The following LRP1B variants were observed in gnomAD, a reference collection of about 807,000 sequenced individuals.
The protein encoded by LRP1B is LDL receptor related protein 1B.
LRP1B carries 217 observed loss-of-function variants against 556.6 expected under a neutral mutation model. The ratio of observed to expected loss-of-function variants is 0.39; its 90% CI spans 0.35 to 0.44. The LOEUF is 0.44. Ranked by LOEUF, LRP1B falls within the 20% of genes least tolerant of loss-of-function variation. LRP1B has a pLI of 1.00. For missense variants in LRP1B, 5,053 were observed against 5,620.8 expected (o/e 0.90, Z 3.23); for synonymous variants, 2,047 against 1,865.8 (o/e 1.10, Z -2.50).
At chr2:140,327,269 C>A (rs1412836927) in intron 79 of LRP1B, among the ~76,000 whole-genome samples, 1 of 152,068 alleles carries the variant, frequency 6.6e-6, no homozygotes, top group Non-Finnish European at 1.5e-5. Flanking sequence ...TGGAAATAAT[C>A]CACATTGGAA....
chr2:141,431,020 T>G (rs557913102), intron 3 of LRP1B, among the ~76,000 whole-genome samples: 5 of 151,870 alleles, frequency 3.3e-5, no homozygotes, highest in Non-Finnish European at 7.4e-5. Flanking sequence ...GCCTATAGTT[T>G]TGGCTTTTGG....
chr2:141,298,954 TA>T (rs10714514), intron 3 of LRP1B, among the ~76,000 whole-genome samples: 29,659 of 123,664 alleles, frequency 0.24, 3,327 homozygotes, highest in East Asian at 0.44. Flanking sequence ...AACTCCATCT[TA>T]AAAAAAAAAA....
chr2:141,693,115 T>C (rs1274385476), intron 2 of LRP1B, among the ~76,000 whole-genome samples: 39 of 152,088 alleles, frequency 2.6e-4, no homozygotes. Flanking sequence ...GCATGCATCT[T>C]GCTGCTTTTT....
chr2:140,780,867 G>C (rs1260556936), intron 32 of LRP1B, among the ~76,000 whole-genome samples: 1 of 152,144 alleles, frequency 6.6e-6, no homozygotes, highest in African/African-American at 2.4e-5. Flanking sequence ...CTAGAAGGTA[G>C]CCAAACAGTG....
Position 140,514,763 on chromosome 2 carries a change from C to G in LRP1B, c.8159G>C (p.Cys2720Ser), listed in dbSNP as rs2104932412. 6.3e-7 allele frequency: 1 copy of G among 1,598,910 alleles called. No homozygotes were observed. The highest frequency in any genetic ancestry group is 8.5e-7 in the Non-Finnish European group (1 of 1,172,554). ...GRDEFHCDSS[C>S]SWNQFACSAQ... ...GGAACAAGCAAATTGGTTCCAAGAG[C>G]AAGAAGAATCTAGGAAACAAACAAA... Residue 2720 changes from cysteine to serine, a missense_variant, in exon 51 of 91, where the codon TGC (cysteine) becomes TCC (serine). This residue lies in a region of LRP1B where 3,619 missense variants were observed against 3,931.9 expected (regional missense o/e 0.92). Coordinates refer to ENST00000389484, the MANE Select transcript of LRP1B (RefSeq NM_018557.3).
At chr2:141,323,921 C>CACA (rs1553495550) in intron 3 of LRP1B, among the ~76,000 whole-genome samples, 1 of 129,900 alleles carries the variant, frequency 7.7e-6, no homozygotes, top group Non-Finnish European at 1.6e-5. Context: ...AACGAGGAAA[C>CACA]CACACACACA....
chr2:140,715,493 G>A (rs1687177396), intron 37 of LRP1B, among the ~76,000 whole-genome samples: 1 of 151,966 alleles, frequency 6.6e-6, no homozygotes, highest in Admixed American at 6.6e-5. Context: ...TGTCAAAACA[G>A]TTAGTTATAC....
intron 35 of LRP1B, among the ~76,000 whole-genome samples, chr2:140,738,469 G>A (rs747702097): frequency 4.6e-5 from 7 of 152,066 alleles, no homozygotes; most frequent in Non-Finnish European, 5.9e-5. Context: ...TGGGGAGAGC[G>A]TAACTAACTG....
At chr2:141,311,892 T>G (rs1167252604) in intron 3 of LRP1B, among the ~76,000 whole-genome samples, 1 of 152,154 alleles carries the variant, frequency 6.6e-6, no homozygotes, top group Non-Finnish European at 1.5e-5. Context: ...GCTGTTGCTA[T>G]GGGAAATACC....
intron 37 of LRP1B, among the ~76,000 whole-genome samples, chr2:140,704,122 T>C (rs1231391481): frequency 2.6e-5 from 4 of 152,170 alleles, no homozygotes; most frequent in Non-Finnish European, 5.9e-5. Flanking sequence ...TCACCAACAG[T>C]GTTTAAGCAT....
intron 1 of LRP1B, among the ~76,000 whole-genome samples, chr2:141,816,282 A>C (rs1696543152): frequency 6.6e-6 from 1 of 152,094 alleles, no homozygotes; most frequent in African/African-American, 2.4e-5. Flanking sequence ...CATTTGAGTC[A>C]GTGGATTGGG....
At chr2:141,821,438 C>A (rs887581537) in intron 1 of LRP1B, among the ~76,000 whole-genome samples, 1 of 152,102 alleles carries the variant, frequency 6.6e-6, no homozygotes, top group East Asian at 1.9e-4. Flanking sequence ...ATTGGCTTTT[C>A]TTCTCCTTGA....
chr2:141,952,002 C>T (rs1015568927), intron 1 of LRP1B, among the ~76,000 whole-genome samples: 1 of 103,656 alleles, frequency 9.6e-6, no homozygotes, highest in African/African-American at 3.9e-5. Context: ...CCTCCCCTCT[C>T]CCCCCACCCC....
chr2:141,605,382 AT>A (rs34672355), intron 2 of LRP1B, among the ~76,000 whole-genome samples: 2 of 151,556 alleles, frequency 1.3e-5, no homozygotes, highest in African/African-American at 4.9e-5. Flanking sequence ...TTTTTATTTT[AT>A]TTTTTTTGAA....
intron 59 of LRP1B, among the ~76,000 whole-genome samples, chr2:140,482,978 A>C (rs966727990): frequency 6.6e-6 from 1 of 152,142 alleles, no homozygotes; most frequent in African/African-American, 2.4e-5. Flanking sequence ...ATTGCATAAT[A>C]TTTTATACAG....
chr2:140,600,073 C>G (rs183617378), intron 42 of LRP1B, among the ~76,000 whole-genome samples: 1 of 151,964 alleles, frequency 6.6e-6, no homozygotes, highest in Non-Finnish European at 1.5e-5. Flanking sequence ...TCACCATATG[C>G]AAGGTGAAAA....
At chr2:140,361,851 T>G (rs571402487) in intron 72 of LRP1B, among the ~76,000 whole-genome samples, 2 of 151,712 alleles carry the variant, frequency 1.3e-5, no homozygotes, top group South Asian at 4.1e-4. Flanking sequence ...AATGTGAGAT[T>G]CAAGCATCTA....
chr2:140,332,721 G>C (rs1333998606), intron 79 of LRP1B, among the ~76,000 whole-genome samples: 1 of 151,962 alleles, frequency 6.6e-6, no homozygotes, highest in Non-Finnish European at 1.5e-5. Flanking sequence ...ACAGTTTACT[G>C]TGCTCCTTCC....
At chr2:140,400,615 GA>G (rs1210122201) in intron 66 of LRP1B, among the ~76,000 whole-genome samples, 1 of 152,174 alleles carries the variant, frequency 6.6e-6, no homozygotes, top group Admixed American at 6.5e-5. Flanking sequence ...TGGCAGACTG[GA>G]AGCAGTGCTA....
Sources: gnomAD v4.1 joint callset for allele counts (sites outside exome capture counted in the v4.1 genomes callset) on GRCh38, gnomAD v4.1.1 for gene constraint, gnomAD v4.1.1 regional missense constraint, MANE v1.5 for transcripts, NCBI Gene and HGNC (gene_info 2026-07-23, HGNC 2026-07-21) for gene names.